Variants in PCSK5 observed in about 807,000 individuals in gnomAD.
PCSK5 encodes proprotein convertase subtilisin/kexin type 5.
PCSK5 carries 129 observed loss-of-function variants against 233.2 expected under a neutral mutation model. The observed-to-expected ratio is 0.55, with a 90% CI of 0.48 to 0.64. The LOEUF (loss-of-function observed/expected upper bound fraction) is 0.64, where lower values mean the gene tolerates loss of function less well. Among genes scored for constraint, PCSK5 ranks in the 30% least tolerant of loss-of-function variants. The pLI is 0.00. For synonymous variants in PCSK5, 825 were observed against 879.2 expected, an observed-to-expected ratio of 0.94 and a Z score of 1.09; for missense variants, 2,076 against 2,430.1, an observed-to-expected ratio of 0.85 and a Z score of 3.06.
intron 9 of PCSK5, among the ~76,000 whole-genome samples, chr9:76,116,602 G>C (rs901708283): frequency 7.4e-6 from 1 of 135,974 alleles, no homozygotes; most frequent in Non-Finnish European, 1.7e-5. Flanking sequence ...AGATAAAATG[G>C]TGGAAAAAAA....
intron 14 of PCSK5, among the ~76,000 whole-genome samples, chr9:76,179,319 A>G (rs554921750): frequency 6.6e-6 from 1 of 152,230 alleles, no homozygotes; most frequent in East Asian, 1.9e-4. Flanking sequence ...TCAAATATTT[A>G]TCTACCACAA....
chr9:76,327,934 T>C (rs1587334994), intron 32 of PCSK5, 75 bp from the exon 33 acceptor site: 2 of 891,738 alleles, frequency 2.2e-6, no homozygotes, highest in Non-Finnish European at 3.8e-6. Context: ...GAAGACCCTT[T>C]CCCAGGGGAA....
At chr9:76,238,923 A>G (rs1826338633) in intron 22 of PCSK5, 36 bp from the exon 23 acceptor site, 1 of 1,461,520 alleles carries the variant, frequency 6.8e-7, no homozygotes, top group African/African-American at 1.4e-5. Flanking sequence ...AACTTTGTAC[A>G]TTTTCCCTCT....
At chr9:76,296,063 T>C (rs1482508265) in intron 26 of PCSK5, among the ~76,000 whole-genome samples, 2 of 152,152 alleles carry the variant, frequency 1.3e-5, no homozygotes, top group Non-Finnish European at 2.9e-5. Flanking sequence ...AAATTCCCAG[T>C]TGAAAAAGGA....
chr9:76,220,608 A>T (rs1054845302), intron 20 of PCSK5, among the ~76,000 whole-genome samples: 11 of 150,952 alleles, frequency 7.3e-5, no homozygotes, highest in Non-Finnish European at 5.9e-5. Context: ...GTCTGGTCTT[A>T]CAACCAGCTG....
intron 30 of PCSK5, among the ~76,000 whole-genome samples, chr9:76,316,085 G>A (rs1829021771): frequency 6.6e-6 from 1 of 152,056 alleles, no homozygotes; most frequent in Non-Finnish European, 1.5e-5. Flanking sequence ...ATCATCTTCA[G>A]TGTCCAGAAA....
intron 16 of PCSK5, 134 bp from the exon 17 acceptor site, chr9:76,184,539 T>A (rs1824014868): frequency 1.8e-6 from 1 of 543,334 alleles, no homozygotes; most frequent in East Asian, 3.1e-5. Flanking sequence ...ATAGTGATTC[T>A]GTGGCTTTTC....
At chr9:75,985,850 A>G (rs1169189700) in intron 2 of PCSK5, among the ~76,000 whole-genome samples, 1 of 152,212 alleles carries the variant, frequency 6.6e-6, no homozygotes, top group Admixed American at 6.5e-5. Flanking sequence ...AATAAATTGG[A>G]AGTAAAATAG....
In PCSK5 at chr9:76,302,126, TA is replaced by T; in HGVS notation, c.3524-9del. The T allele has an allele frequency of 7.9e-7, 1 of 1,271,432 alleles. No individual in the cohort carries two copies. The highest frequency in any genetic ancestry group is 1.0e-6 in the Non-Finnish European group (1 of 968,400). 78.8% of individuals were successfully genotyped at this position (1,271,432 alleles called of 1,614,324 possible). ...AAAAAAAACTAAACACTTTTTTTTTTAATAAAAAAGAAGCTGTGTCCACTGC... is the reference window on the plus strand; with the variant it reads ...AAAAAAAACTAAACACTTTTTTTTTTATAAAAAAGAAGCTGTGTCCACTGC... On this transcript the variant is annotated splice_polypyrimidine_tract_variant and intron_variant, in intron 27 of 37. Coordinates refer to ENST00000674117, the MANE Select transcript of PCSK5 (RefSeq NM_001372043.1).
At chr9:76,325,364 A>G (rs1278483528) in intron 32 of PCSK5, among the ~76,000 whole-genome samples, 1 of 152,198 alleles carries the variant, frequency 6.6e-6, no homozygotes, top group Non-Finnish European at 1.5e-5. Context: ...TGATTTAATT[A>G]TCTCCTTGAG....
chr9:76,140,921 A>C (rs191477404), intron 10 of PCSK5, among the ~76,000 whole-genome samples: 3 of 152,192 alleles, frequency 2.0e-5, no homozygotes, highest in African/African-American at 7.2e-5. Context: ...ATTTAAGAGA[A>C]AATAGACGTC....
At chr9:76,007,823 T>TGTGTGTGTGA (rs1462359621) in intron 3 of PCSK5, among the ~76,000 whole-genome samples, 13 of 151,210 alleles carry the variant, frequency 8.6e-5, no homozygotes, top group Non-Finnish European at 1.8e-4. Context: ...TGTGTGTGTG[T>TGTGTGTGTGA]GTGTGTGTGT....
chr9:76,240,538 C>G (rs148730835), intron 23 of PCSK5, 78 bp from the exon 24 acceptor site: 2 of 986,116 alleles, frequency 2.0e-6, no homozygotes, highest in African/African-American at 3.2e-5. Context: ...AAGCTACACA[C>G]GAACATATTT....
chr9:76,111,093 C>G (rs1017190369), intron 9 of PCSK5, among the ~76,000 whole-genome samples: 1 of 151,584 alleles, frequency 6.6e-6, no homozygotes, highest in Non-Finnish European at 1.5e-5. Flanking sequence ...GGTGACAGAG[C>G]AAGTCTCTGT....
intron 1 of PCSK5, among the ~76,000 whole-genome samples, chr9:75,904,099 A>C (rs1234723303): frequency 6.6e-6 from 1 of 152,214 alleles, no homozygotes; most frequent in East Asian, 1.9e-4. Flanking sequence ...AATTTGCCAA[A>C]TGCTGCATTC....
chr9:75,936,000 T>C (rs2131291081), intron 2 of PCSK5, among the ~76,000 whole-genome samples: 1 of 152,318 alleles, frequency 6.6e-6, no homozygotes, highest in African/African-American at 2.4e-5. Flanking sequence ...AAAGCAAATA[T>C]TGTAATAAAG....
At chr9:76,065,837 G>T (rs994166588) in intron 5 of PCSK5, among the ~76,000 whole-genome samples, 56 of 152,170 alleles carry the variant, frequency 3.7e-4, no homozygotes, top group African/African-American at 1.3e-3. Context: ...GTGGATGGGG[G>T]TGGGGGGTAA....
At chr9:75,968,071 C>T (rs530461662) in intron 2 of PCSK5, among the ~76,000 whole-genome samples, 3 of 152,182 alleles carry the variant, frequency 2.0e-5, no homozygotes, top group African/African-American at 7.2e-5. Flanking sequence ...CAGGGCCCAG[C>T]CTTTTATAGT....
chr9:76,291,789 C>A (rs1203443348), intron 24 of PCSK5, among the ~76,000 whole-genome samples: 1 of 152,114 alleles, frequency 6.6e-6, no homozygotes, highest in Non-Finnish European at 1.5e-5. Context: ...CGAAGGAGTG[C>A]CCCAAATGAT....
Sources: gnomAD v4.1 joint callset for allele counts (sites outside exome capture counted in the v4.1 genomes callset) on GRCh38, gnomAD v4.1.1 for gene constraint, MANE v1.5 for transcripts, NCBI Gene and HGNC (gene_info 2026-07-23, HGNC 2026-07-21) for gene names.